Variants in PHEX observed in about 807,000 individuals in gnomAD.
PHEX encodes the protein phosphate regulating endopeptidase X-linked.
A neutral mutation model predicts 68.0 loss-of-function variants in PHEX; 16 were observed. The observed-to-expected ratio is 0.24, with a 90% confidence interval of 0.16 to 0.36. The LOEUF (loss-of-function observed/expected upper bound fraction) is 0.36. Among genes scored for constraint, PHEX ranks in the 10% least tolerant of loss-of-function variants. The pLI is 1.00. For synonymous variants in PHEX, 208 were observed against 205.1 expected, an observed-to-expected ratio of 1.01 and a Z score of -0.12; for missense variants, 480 against 575.5, an observed-to-expected ratio of 0.83 and a Z score of 1.70.
chrX:22,100,223 G>A (rs1007415156), intron 9 of PHEX, among the ~76,000 whole-genome samples: 1 of 111,753 alleles, frequency 8.9e-6, no homozygotes, highest in African/African-American at 3.3e-5. Flanking sequence ...GCATCACCTC[G>A]GGTGCTTGTT....
intron 11 of PHEX, among the ~76,000 whole-genome samples, chrX:22,122,962 A>T (rs1176267209): frequency 1.9e-5 from 2 of 107,247 alleles, no homozygotes; most frequent in Admixed American, 2.0e-4. Flanking sequence ...CCAGATTTAC[A>T]GACTAGGGAG....
intron 13 of PHEX, among the ~76,000 whole-genome samples, chrX:22,168,619 A>T (rs2147119102): frequency 8.9e-6 from 1 of 112,275 alleles, no homozygotes; most frequent in African/African-American, 3.2e-5. Flanking sequence ...TGGGTACCAA[A>T]AAACAAATGG....
intron 20 of PHEX, among the ~76,000 whole-genome samples, chrX:22,229,272 G>A (rs1461662901): frequency 8.9e-6 from 1 of 111,756 alleles, no homozygotes; most frequent in Non-Finnish European, 1.9e-5. Flanking sequence ...TGGGATGGCT[G>A]GGTCAAATGG....
chrX:22,199,157 A>G (rs1390199068), intron 15 of PHEX, among the ~76,000 whole-genome samples: 1 of 111,249 alleles, frequency 9.0e-6, no homozygotes, highest in African/African-American at 3.3e-5. Context: ...GCCTAACCAT[A>G]TCAACTTCCT....
intron 12 of PHEX, among the ~76,000 whole-genome samples, chrX:22,166,297 T>C (rs1436435568): frequency 9.0e-6 from 1 of 111,658 alleles, no homozygotes; most frequent in Non-Finnish European, 1.9e-5. Context: ...AGCTCTCTCT[T>C]AGCTGTAAAA....
chrX:22,195,594 C>CAA (rs61581933), intron 15 of PHEX, among the ~76,000 whole-genome samples: 1 of 79,589 alleles, frequency 1.3e-5, no homozygotes, highest in Non-Finnish European at 2.6e-5. Flanking sequence ...GACTCTGTCT[C>CAA]AAAAAAAAAA....
intron 14 of PHEX, among the ~76,000 whole-genome samples, chrX:22,183,281 G>A (rs962073295): frequency 4.5e-5 from 5 of 110,648 alleles, no homozygotes; most frequent in African/African-American, 6.6e-5. Flanking sequence ...GTTTCCATCC[G>A]GCCATCCCTG....
At chrX:22,109,900 C>CTAT (rs775275913) in intron 9 of PHEX, among the ~76,000 whole-genome samples, 85 of 112,165 alleles carry the variant, frequency 7.6e-4, no homozygotes, top group Non-Finnish European at 1.4e-3. Flanking sequence ...TAGAAATTGA[C>CTAT]TATTTGTCAA....
rs993410261 is a variant in PHEX at position 22,248,017 on chromosome X, C to T, written c.*64C>T. The T allele has an allele frequency of 2.6e-6, 2 of 778,081 alleles. No homozygotes were observed. The highest frequency in any genetic ancestry group is 4.0e-6 in the Non-Finnish European group (2 of 500,435). 64.1% of individuals were successfully genotyped at this position (778,081 alleles called of 1,213,427 possible). On this transcript the variant is annotated 3_prime_UTR_variant, in exon 22 of 22. Coordinates refer to ENST00000379374, the MANE Select transcript of PHEX (RefSeq NM_000444.6). Reference sequence around the variant, plus strand: ...AGTGCCAGCGGAGGCTGCACTGAGCCTTCATCGCCCATTGCTTTAGGCCTG... The same window carrying T: ...AGTGCCAGCGGAGGCTGCACTGAGCTTTCATCGCCCATTGCTTTAGGCCTG...
chrX:22,084,806 G>T (rs1158129777), intron 5 of PHEX, among the ~76,000 whole-genome samples: 9 of 110,277 alleles, frequency 8.2e-5, no homozygotes, highest in African/African-American at 3.0e-4. Flanking sequence ...GTTCATAATA[G>T]TCTTTATAAT....
chrX:22,175,710 G>A (rs1038972838), intron 13 of PHEX, among the ~76,000 whole-genome samples: 1 of 109,996 alleles, frequency 9.1e-6, no homozygotes, highest in African/African-American at 3.3e-5. Flanking sequence ...TGAATATCAA[G>A]GGATTTTTTT....
intron 15 of PHEX, among the ~76,000 whole-genome samples, chrX:22,191,064 G>C (rs1223526098): frequency 8.9e-6 from 1 of 111,785 alleles, no homozygotes; most frequent in African/African-American, 3.3e-5. Flanking sequence ...CTGTCACCTA[G>C]GCTGGAGTTC....
intron 12 of PHEX, chrX:22,163,133 A>T (rs1323911522): frequency 1.8e-5 from 2 of 112,079 alleles, no homozygotes; most frequent in Non-Finnish European, 3.8e-5. Context: ...AGCAAGAATT[A>T]TCTGGCCCAA....
At chrX:22,241,567 G>A (rs1936197271) in intron 20 of PHEX, among the ~76,000 whole-genome samples, 2 of 110,729 alleles carry the variant, frequency 1.8e-5, no homozygotes, top group Non-Finnish European at 3.8e-5. Flanking sequence ...TGAAATAGAC[G>A]CAATAAAAAA....
intron 9 of PHEX, among the ~76,000 whole-genome samples, chrX:22,109,791 G>A (rs1930873789): frequency 8.9e-6 from 1 of 111,817 alleles, no homozygotes; most frequent in Admixed American, 9.5e-5. Context: ...ATAGAAAAAG[G>A]CAACCCTTAA....
At chrX:22,042,150 C>T (rs752350261) in intron 2 of PHEX, among the ~76,000 whole-genome samples, 3 of 111,417 alleles carry the variant, frequency 2.7e-5, no homozygotes, top group Admixed American at 9.6e-5. Flanking sequence ...GCTGAAAGTT[C>T]AGAAGACTAG....
chrX:22,116,150 C>T (rs940991027), intron 11 of PHEX, among the ~76,000 whole-genome samples: 4 of 111,748 alleles, frequency 3.6e-5, no homozygotes, highest in South Asian at 3.7e-4. Flanking sequence ...TCATAGCCAT[C>T]CTAACAGGTA....
intron 11 of PHEX, among the ~76,000 whole-genome samples, chrX:22,118,131 A>C (rs1931313871): frequency 9.0e-6 from 1 of 110,758 alleles, no homozygotes; most frequent in Non-Finnish European, 1.9e-5. Flanking sequence ...TCTCAAATTT[A>C]CATGTGTACA....
At chrX:22,084,059 T>C (rs1361700345) in intron 5 of PHEX, among the ~76,000 whole-genome samples, 1 of 112,644 alleles carries the variant, frequency 8.9e-6, no homozygotes, top group African/African-American at 3.2e-5. Flanking sequence ...TTGAATTTTA[T>C]TGAATGCTTT....
Sources: allele counts gnomAD v4.1 joint callset (sites outside exome capture counted in the v4.1 genomes callset), GRCh38; gene constraint gnomAD v4.1.1; transcripts MANE v1.5; gene names NCBI Gene and HGNC (gene_info 2026-07-23, HGNC 2026-07-21).